The following NOMO1 variants were observed in gnomAD, a reference collection of about 807,000 sequenced individuals.
NOMO1 encodes nodal modulator 3.
Under a neutral mutation model 133.8 loss-of-function variants are expected in NOMO1, and 40 were observed. The observed-to-expected ratio is 0.30, with a 90% CI of 0.23 to 0.39. NOMO1 has a LOEUF of 0.39. Ranked by LOEUF, NOMO1 falls within the 10% of genes least tolerant of loss-of-function variation. NOMO1 has a pLI of 1.00. For missense variants in NOMO1, 462 were observed against 1,419.9 expected, an observed-to-expected ratio of 0.33 and a Z score of 10.84; for synonymous variants, 236 against 570.5, an observed-to-expected ratio of 0.41 and a Z score of 8.36.
intron 15 of NOMO1, among the ~76,000 whole-genome samples, chr16:14,867,974 C>T (rs1244473462): frequency 2.7e-5 from 3 of 111,904 alleles, no homozygotes. Context: ...GCCCCAGCCA[C>T]AGTGGTCCTC....
At chr16:14,835,442 A>G (rs1180845881) in intron 1 of NOMO1, among the ~76,000 whole-genome samples, 2 of 150,746 alleles carry the variant, frequency 1.3e-5, no homozygotes, top group East Asian at 3.9e-4. Context: ...AGAAGCTGAA[A>G]TGCAAGAGGC....
chr16:14,837,412 C>A (rs1208894497), intron 1 of NOMO1, among the ~76,000 whole-genome samples: 3 of 152,134 alleles, frequency 2.0e-5, no homozygotes, highest in Non-Finnish European at 2.9e-5. Context: ...GTGTCTACAT[C>A]TGAAGAAACC....
At position 14,850,133 on chromosome 16, in the gene NOMO1, C is replaced by T. The variant is rs1232082738; in HGVS notation, c.582+1162C>T. On this transcript the variant is annotated intron_variant, in intron 6 of 30. Coordinates refer to ENST00000287667, the MANE Select transcript of NOMO1 (RefSeq NM_014287.4). ...TTGCCCAGGCTGGAGTGCAATGGGGCGATCTCGGCTCATTGCAACCTCCGC... is the reference window on the plus strand; with the variant it reads ...TTGCCCAGGCTGGAGTGCAATGGGGTGATCTCGGCTCATTGCAACCTCCGC... Among the ~76,000 whole-genome samples the T allele has an allele frequency of 6.8e-5, 10 of 147,874 alleles. No homozygotes were observed. The South Asian group carries it at 1.1e-3, about 16-fold the overall frequency.
At chr16:14,878,366 C>CGCCTATA (rs1486107616) in intron 22 of NOMO1, among the ~76,000 whole-genome samples, 3 of 125,012 alleles carry the variant, frequency 2.4e-5, no homozygotes, top group Admixed American at 8.4e-5. Context: ...TGGTGGTGTG[C>CGCCTATA]GCCTATAGTC....
At chr16:14,878,948 T>C in intron 23 of NOMO1, 114 bp downstream of exon 23, 1 of 1,391,072 alleles carries the variant, frequency 7.2e-7, no homozygotes, top group Non-Finnish European at 1.0e-6. Flanking sequence ...CAATGTGGAG[T>C]GGTTTCAGTT....
At chr16:14,845,698 T>C (rs962257022) in intron 4 of NOMO1, among the ~76,000 whole-genome samples, 8 of 151,880 alleles carry the variant, frequency 5.3e-5, no homozygotes, top group African/African-American at 1.9e-4. Flanking sequence ...TCCTCTACCT[T>C]TGCGGTGACG....
At chr16:14,882,732 A>T (rs1005918488) in intron 26 of NOMO1, 55 bp downstream of exon 26, 4 of 1,611,496 alleles carry the variant, frequency 2.5e-6, no homozygotes, top group African/African-American at 1.3e-5. Flanking sequence ...CCTGATCAGA[A>T]GTCCTCCCGT....
chr16:14,836,211 C>G (rs893190722), intron 1 of NOMO1, among the ~76,000 whole-genome samples: 2 of 151,994 alleles, frequency 1.3e-5, no homozygotes, highest in Non-Finnish European at 2.9e-5. Flanking sequence ...CCAGTCCCTG[C>G]CTTAAATGCA....
At chr16:14,850,040 A>G (rs1160541204) in intron 6 of NOMO1, among the ~76,000 whole-genome samples, 1 of 151,188 alleles carries the variant, frequency 6.6e-6, no homozygotes, top group African/African-American at 2.4e-5. Context: ...CTGGAACTGC[A>G]GGCATGTGCC....
At chr16:14,836,254 T>TAA (rs1265509096) in intron 1 of NOMO1, among the ~76,000 whole-genome samples, 12 of 152,012 alleles carry the variant, frequency 7.9e-5, no homozygotes, top group African/African-American at 2.7e-4. Context: ...CTGTAGCAAA[T>TAA]TCACTGAGTA....
intron 30 of NOMO1, 85 bp from the exon 31 acceptor site, chr16:14,895,427 GGT>G (rs1199719469): frequency 4.4e-5 from 71 of 1,599,476 alleles, no homozygotes; most frequent in Non-Finnish European, 6.1e-5. Flanking sequence ...GTCTGAAGAA[GGT>G]GTGTTGAGAA....
intron 9 of NOMO1, among the ~76,000 whole-genome samples, chr16:14,856,444 C>T (rs541698230): frequency 8.7e-4 from 131 of 151,428 alleles, no homozygotes; most frequent in African/African-American, 3.0e-3. Context: ...TTCTTTGAGA[C>T]AGAGTCTTGC....
At chr16:14,864,910 A>T in intron 13 of NOMO1, 114 bp from the exon 14 acceptor site, 1 of 1,499,776 alleles carries the variant, frequency 6.7e-7, no homozygotes, top group South Asian at 1.2e-5. Context: ...GCCTCCGGCC[A>T]CTGCCTCTTA....
chr16:14,878,898 C>G (rs1215569787), intron 23 of NOMO1, 64 bp downstream of exon 23: 2 of 1,594,580 alleles, frequency 1.3e-6, no homozygotes, highest in Non-Finnish European at 1.7e-6. Context: ...ATGCAGCATG[C>G]GAGACTTACG....
At chr16:14,835,417 G>A (rs1244649686) in intron 1 of NOMO1, among the ~76,000 whole-genome samples, 3 of 150,918 alleles carry the variant, frequency 2.0e-5, no homozygotes, top group Admixed American at 2.0e-4. Flanking sequence ...GGCTGTAGAC[G>A]GCACAGGGCA....
rs758384408 is a variant in NOMO1 at position 14,877,155 on chromosome 16, G to GTT, written c.2643+380_2643+381dup. ...ATGGAATCAAACGGGATATACTGTT[G>GTT]TTTTTTTTTTTTTTTTGGTCTGACT... On this transcript the variant is annotated intron_variant, in intron 22 of 30. Transcript: ENST00000287667. 1.0e-3 allele frequency among the ~76,000 whole-genome samples: 118 copies of GTT among 117,582 alleles called. 1 individual carries two copies. Among genetic ancestry groups the GTT allele is most frequent in the Non-Finnish European group, 1.4e-3 (76 of 55,378 alleles). 77.1% of individuals were successfully genotyped at this position (117,582 alleles called of 152,430 possible).
intron 16 of NOMO1, among the ~76,000 whole-genome samples, chr16:14,869,691 T>C (rs1002193674): frequency 2.0e-5 from 3 of 151,438 alleles, no homozygotes; most frequent in Admixed American, 6.6e-5. Flanking sequence ...CTGTTATGAC[T>C]AATGTTACGG....
intron 15 of NOMO1, among the ~76,000 whole-genome samples, chr16:14,867,170 A>G (rs1414468316): frequency 6.6e-5 from 1 of 15,130 alleles, no homozygotes; most frequent in African/African-American, 1.6e-4. Flanking sequence ...ATATATATAT[A>G]TATATATTTT....
At chr16:14,884,062 CTTTTT>C (rs1247168976) in intron 26 of NOMO1, among the ~76,000 whole-genome samples, 1 of 146,222 alleles carries the variant, frequency 6.8e-6, no homozygotes, top group African/African-American at 2.5e-5. Flanking sequence ...CATCCTTCTC[CTTTTT>C]TTTTTAAGAG....
Sources: allele counts gnomAD v4.1 joint callset (sites outside exome capture counted in the v4.1 genomes callset), GRCh38; gene constraint gnomAD v4.1.1; transcripts MANE v1.5; gene names NCBI Gene and HGNC (gene_info 2026-07-23, HGNC 2026-07-21).